The following COL4A6 variants were observed in gnomAD, a reference collection of about 807,000 sequenced individuals.
COL4A6 encodes collagen alpha-6(IV) chain.
A neutral mutation model predicts 126.7 loss-of-function variants in COL4A6; 59 were observed. The ratio of observed to expected loss-of-function variants is 0.47; its 90% confidence interval spans 0.38 to 0.58. The LOEUF is 0.58. Ranked by LOEUF, COL4A6 falls within the 20% of genes least tolerant of loss-of-function variation. The probability of loss-of-function intolerance (pLI) is 0.00; values close to 1 mark genes in which losing one functional copy is unlikely to be tolerated. For synonymous variants in COL4A6, 547 were observed against 496.6 expected (o/e 1.10, Z -1.35); for missense variants, 1,285 against 1,337.3 (o/e 0.96, Z 0.61).
At chrX:108,201,323 TG>T (rs2035387203) in intron 13 of COL4A6, among the ~76,000 whole-genome samples, 1 of 112,228 alleles carries the variant, frequency 8.9e-6, no homozygotes, top group Non-Finnish European at 1.9e-5. Flanking sequence ...TCTTGTCAGC[TG>T]TTTCAAAACA....
intron 2 of COL4A6, among the ~76,000 whole-genome samples, chrX:108,420,840 A>C (rs1474738719): frequency 9.0e-6 from 1 of 111,581 alleles, no homozygotes; most frequent in African/African-American, 3.3e-5. Flanking sequence ...GTCCTTCATA[A>C]TAGTGTTGAC....
intron 3 of COL4A6, among the ~76,000 whole-genome samples, chrX:108,300,151 T>C (rs2038447861): frequency 9.0e-6 from 1 of 111,188 alleles, no homozygotes; most frequent in Non-Finnish European, 1.9e-5. Context: ...GTGATGCCAA[T>C]TCCACTTGAT....
chrX:108,282,810 T>A (rs145787337), intron 3 of COL4A6, among the ~76,000 whole-genome samples: 27,069 of 108,330 alleles, frequency 0.25, 2,939 homozygotes, highest in East Asian at 0.61. Flanking sequence ...TGGAATACTA[T>A]GCAGCCATAA....
chrX:108,188,555 G>A lies in COL4A6; in HGVS notation c.1549C>T (p.Arg517Ter), dbSNP rs760545580. Residue 517 changes from arginine to a stop codon, truncating the protein, a stop_gained, in exon 21 of 45, where the codon CGA becomes TGA. Transcript: ENST00000334504. LOFTEE classifies it high-confidence loss of function. ...LPGLKGARGD[R>*]GSGGAQGPAG... The stretch of plus-strand genomic sequence containing the variant: ...GGGCCCTGTGCACCCCCAGAGCCTC[G>A]ATCTCCTCTGGCTCCTTTAAGGCCT... The A allele has an allele frequency of 1.7e-6, 2 of 1,176,348 alleles. No homozygotes were observed. The highest frequency in any genetic ancestry group is 2.0e-5 in the South Asian group (1 of 50,566).
At chrX:108,280,792 C>T (rs1276986711) in intron 3 of COL4A6, among the ~76,000 whole-genome samples, 4 of 111,443 alleles carry the variant, frequency 3.6e-5, no homozygotes, top group African/African-American at 1.3e-4. Context: ...AAAGCTTATC[C>T]ACCATGATCA....
At position 108,333,489 on chromosome X, in the gene COL4A6, C is replaced by T. The variant is rs147177928; in HGVS notation, c.64-22661G>A. Reference sequence around the variant, plus strand: ...TGAACAGGAAAAAGTTAAAAGAATTCCCTTTAAGAATGAGAACAAGACAAG... The same window carrying T: ...TGAACAGGAAAAAGTTAAAAGAATTTCCTTTAAGAATGAGAACAAGACAAG... On this transcript the variant is annotated intron_variant, in intron 2 of 44. Coordinates refer to ENST00000334504, the MANE Select transcript of COL4A6 (RefSeq NM_033641.4). Among the ~76,000 whole-genome samples the T allele has an allele frequency of 7.6e-3, 844 of 110,546 alleles. 6 individuals are homozygous for T. Among genetic ancestry groups the T allele is most frequent in the South Asian group, 0.013 (35 of 2,600 alleles).
chrX:108,168,120 C>T (rs1449727342), intron 37 of COL4A6, among the ~76,000 whole-genome samples: 1 of 112,334 alleles, frequency 8.9e-6, no homozygotes, highest in Non-Finnish European at 1.9e-5. Context: ...TCCTTCTTGA[C>T]CTGTGCTGTT....
intron 2 of COL4A6, among the ~76,000 whole-genome samples, chrX:108,311,946 C>T (rs2038771995): frequency 8.9e-6 from 1 of 111,813 alleles, no homozygotes; most frequent in African/African-American, 3.3e-5. Context: ...TGACCTTAAC[C>T]CTTAAGCCTT....
rs377024636 is a variant in COL4A6, at chrX:108,204,459, C to T, written c.688-47G>A. 489 of 1,092,698 alleles carry T rather than the reference C, an allele frequency of 4.5e-4. 1 individual carries two copies. Among genetic ancestry groups the T allele is most frequent in the Non-Finnish European group, 5.7e-4 (451 of 792,551 alleles). The allele number at this position is 1,092,698 out of a possible 1,213,427, so 90.1% of individuals were successfully genotyped here. ...TAAGCAAAGTGACAATCACACCGAC[C>T]GTTTTTCCAGAGTGGGGGTTTGTCC... On this transcript the variant is annotated intron_variant, in intron 11 of 44. Transcript: ENST00000334504.
At chrX:108,356,118 T>A (rs2039954786) in intron 2 of COL4A6, among the ~76,000 whole-genome samples, 1 of 72,856 alleles carries the variant, frequency 1.4e-5, no homozygotes, top group Admixed American at 1.7e-4. Context: ...CCCACAACAG[T>A]CCCCAGAGTG....
chrX:108,185,510 C>T (rs1295484384), intron 23 of COL4A6, among the ~76,000 whole-genome samples: 1 of 111,437 alleles, frequency 9.0e-6, no homozygotes, highest in Non-Finnish European at 1.9e-5. Context: ...CTACCATCAA[C>T]CTTATTACAC....
chrX:108,325,476 A>C (rs2039133905), intron 2 of COL4A6, among the ~76,000 whole-genome samples: 1 of 111,635 alleles, frequency 9.0e-6, no homozygotes, highest in African/African-American at 3.3e-5. Context: ...AAAACCTTCC[A>C]ATAAAGGAAA....
At chrX:108,222,252 G>C (rs1271198899) in intron 3 of COL4A6, among the ~76,000 whole-genome samples, 1 of 112,150 alleles carries the variant, frequency 8.9e-6, no homozygotes, top group Non-Finnish European at 1.9e-5. Context: ...AATCCCAGTA[G>C]GGACTGAATT....
At chrX:108,391,914 T>A (rs1407544436) in intron 2 of COL4A6, among the ~76,000 whole-genome samples, 2 of 112,235 alleles carry the variant, frequency 1.8e-5, no homozygotes, top group Non-Finnish European at 3.8e-5. Flanking sequence ...GCCTTCTGCA[T>A]CAATCTTGCT....
intron 2 of COL4A6, among the ~76,000 whole-genome samples, chrX:108,340,210 A>G (rs2039525157): frequency 8.9e-6 from 1 of 111,860 alleles, no homozygotes; most frequent in Admixed American, 9.5e-5. Flanking sequence ...GAAATGCTCT[A>G]TATCTGTGTG....
chrX:108,289,030 G>T lies in COL4A6; in HGVS notation c.144+21718C>A, dbSNP rs1044938523. ...CTTAACAAATATCAGCATCATAAAAGACAAAAGAATAAAAGTGGGGGTCTG... is the reference window on the plus strand; with the variant it reads ...CTTAACAAATATCAGCATCATAAAATACAAAAGAATAAAAGTGGGGGTCTG... On this transcript the variant is annotated intron_variant, in intron 3 of 44. Coordinates refer to ENST00000334504, the MANE Select transcript of COL4A6 (RefSeq NM_033641.4). 3.6e-5 allele frequency among the ~76,000 whole-genome samples: 4 copies of T among 111,519 alleles called. No individual in the cohort carries two copies. In the East Asian group the frequency reaches 1.1e-3, roughly 31 times the overall value.
chrX:108,259,634 G>A (rs982698976), intron 3 of COL4A6, among the ~76,000 whole-genome samples: 6 of 111,843 alleles, frequency 5.4e-5, no homozygotes, highest in African/African-American at 1.9e-4. Context: ...GAGGATTAAG[G>A]TTGAGTGCTC....
At chrX:108,414,634 A>AAG (rs1556327975) in intron 2 of COL4A6, among the ~76,000 whole-genome samples, 2 of 106,294 alleles carry the variant, frequency 1.9e-5, no homozygotes, top group African/African-American at 6.9e-5. Flanking sequence ...AAAAAAAAAA[A>AAG]AAGAAGAAGA....
intron 5 of COL4A6, among the ~76,000 whole-genome samples, chrX:108,214,496 C>T (rs1242328747): frequency 8.9e-6 from 1 of 112,045 alleles, no homozygotes; most frequent in East Asian, 2.8e-4. Flanking sequence ...ATGGGATACA[C>T]AAGGTCTTGC....
Sources: allele counts gnomAD v4.1 joint callset (sites outside exome capture counted in the v4.1 genomes callset), GRCh38; gene constraint gnomAD v4.1.1; transcripts MANE v1.5; gene names NCBI Gene and HGNC (gene_info 2026-07-23, HGNC 2026-07-21).